PTPRD: variants seen among roughly 807,000 people sequenced by gnomAD.
The protein encoded by PTPRD is protein tyrosine phosphatase receptor type D.
In PTPRD, 34 loss-of-function variants were observed where a neutral mutation model predicts 214.5. That is an observed-to-expected ratio of 0.16 (90% confidence interval 0.12 to 0.21). The LOEUF is 0.21. PTPRD is among the 10% of genes least tolerant of loss of function. PTPRD has a pLI of 1.00. For missense variants in PTPRD, 2,545 were observed against 2,398.7 expected, an observed-to-expected ratio of 1.06 and a Z score of -1.27; for synonymous variants, 1,128 against 845.7, an observed-to-expected ratio of 1.33 and a Z score of -5.79.
chr9:9,855,855 G>T (rs564761157), intron 5 of PTPRD, among the ~76,000 whole-genome samples: 1 of 152,178 alleles, frequency 6.6e-6, no homozygotes, highest in Non-Finnish European at 1.5e-5. Context: ...GTCCATGGAC[G>T]GCTTTAAGCG....
intron 7 of PTPRD, among the ~76,000 whole-genome samples, chr9:9,645,016 C>G (rs117158069): frequency 0.039 from 5,917 of 152,282 alleles, 178 homozygotes; most frequent in Non-Finnish European, 0.057. Flanking sequence ...CACCTTGACT[C>G]TCCATTGAGA....
chr9:10,165,769 T>C (rs1239267972), intron 3 of PTPRD, among the ~76,000 whole-genome samples: 1 of 151,176 alleles, frequency 6.6e-6, no homozygotes, highest in Non-Finnish European at 1.5e-5. Flanking sequence ...CGAAGTATTT[T>C]CTCTTAAAAA....
intron 2 of PTPRD, among the ~76,000 whole-genome samples, chr9:10,602,597 T>C (rs1166432552): frequency 4.0e-5 from 6 of 151,794 alleles, no homozygotes; most frequent in Non-Finnish European, 7.4e-5. Flanking sequence ...TTTACGGTTA[T>C]AATCAAGTAA....
rs550296450 is a variant in PTPRD, at chr9:9,811,199, G to A, written c.-367-44348C>T. Among the ~76,000 whole-genome samples, 28 of 152,200 alleles carry A rather than the reference G, an allele frequency of 1.8e-4. No individual in the cohort carries two copies. The South Asian group carries it at 5.4e-3, about 29-fold the overall frequency. On this transcript the variant is annotated intron_variant, in intron 5 of 45. Transcript: ENST00000381196. ...AGCCTGCGCAACAAGAATGAACTCTGTCTCAAAATAAATCAATAAAAGCAG... is the reference window on the plus strand; with the variant it reads ...AGCCTGCGCAACAAGAATGAACTCTATCTCAAAATAAATCAATAAAAGCAG...
intron 14 of PTPRD, among the ~76,000 whole-genome samples, chr9:8,606,444 T>C (rs1331439465): frequency 1.3e-5 from 2 of 152,160 alleles, no homozygotes; most frequent in Non-Finnish European, 2.9e-5. Context: ...ACATGAAGCA[T>C]ATGCAGAGAC....
At chr9:10,487,561 T>C (rs1284944063) in intron 2 of PTPRD, among the ~76,000 whole-genome samples, 2 of 152,128 alleles carry the variant, frequency 1.3e-5, no homozygotes, top group Non-Finnish European at 2.9e-5. Context: ...TTCACATTGT[T>C]TGCATAAACA....
At chr9:10,283,830 G>A (rs1177145628) in intron 3 of PTPRD, among the ~76,000 whole-genome samples, 1 of 152,156 alleles carries the variant, frequency 6.6e-6, no homozygotes, top group Non-Finnish European at 1.5e-5. Context: ...TATGTGTGCA[G>A]ATCTTTTAGT....
chr9:10,488,139 G>A (rs1027021327), intron 2 of PTPRD, among the ~76,000 whole-genome samples: 7 of 151,822 alleles, frequency 4.6e-5, no homozygotes, highest in East Asian at 1.9e-4. Context: ...AGCCCGAGCC[G>A]GGTGGATCAC....
intron 6 of PTPRD, among the ~76,000 whole-genome samples, chr9:9,752,758 C>A (rs531931131): frequency 6.6e-6 from 1 of 152,062 alleles, no homozygotes; most frequent in South Asian, 2.1e-4. Flanking sequence ...TTAGAAAAAT[C>A]GTTTTACATT....
intron 9 of PTPRD, among the ~76,000 whole-genome samples, chr9:9,372,659 A>G (rs1211658536): frequency 1.3e-5 from 2 of 152,120 alleles, no homozygotes; most frequent in Non-Finnish European, 2.9e-5. Flanking sequence ...TGTCATTACA[A>G]TGTTAGCTGG....
At chr9:8,357,346 G>A (rs760201369) in intron 39 of PTPRD, among the ~76,000 whole-genome samples, 16 of 152,224 alleles carry the variant, frequency 1.1e-4, no homozygotes, top group Non-Finnish European at 2.2e-4. Context: ...CTCACCAAGA[G>A]ATGCAGGAAT....
intron 9 of PTPRD, among the ~76,000 whole-genome samples, chr9:9,324,431 T>A (rs1049986139): frequency 2.6e-5 from 4 of 152,226 alleles, no homozygotes; most frequent in Non-Finnish European, 4.4e-5. Flanking sequence ...TGCATTTCTC[T>A]GATGACCAGT....
intron 7 of PTPRD, among the ~76,000 whole-genome samples, chr9:9,707,205 T>A (rs1177465807): frequency 6.6e-6 from 1 of 152,196 alleles, no homozygotes; most frequent in Non-Finnish European, 1.5e-5. Flanking sequence ...TATGTACATG[T>A]AAGGTATATT....
At chr9:9,960,922 G>A (rs377198365) in intron 4 of PTPRD, among the ~76,000 whole-genome samples, 1 of 151,878 alleles carries the variant, frequency 6.6e-6, no homozygotes, top group East Asian at 1.9e-4. Flanking sequence ...CTGACAAAGG[G>A]CTAATATCCA....
intron 14 of PTPRD, among the ~76,000 whole-genome samples, chr9:8,624,480 T>C (rs2095943628): frequency 6.6e-6 from 1 of 151,866 alleles, no homozygotes; most frequent in Non-Finnish European, 1.5e-5. Flanking sequence ...ACTATGTGCC[T>C]AGCACTATTC....
intron 8 of PTPRD, among the ~76,000 whole-genome samples, chr9:9,568,326 G>A (rs1206782429): frequency 1.3e-5 from 2 of 151,934 alleles, no homozygotes; most frequent in Middle Eastern, 3.4e-3. Flanking sequence ...ATAAATGACT[G>A]AGGTGGGAGG....
intron 8 of PTPRD, among the ~76,000 whole-genome samples, chr9:9,516,441 G>A (rs1249943381): frequency 1.3e-5 from 2 of 151,292 alleles, no homozygotes; most frequent in East Asian, 3.9e-4. Flanking sequence ...ATTCTCTAAT[G>A]GAAGCCAACT....
In PTPRD at chr9:9,396,114, T is replaced by G. The variant is rs549685917; in HGVS notation, c.-203+1335A>C. 6.6e-5 allele frequency among the ~76,000 whole-genome samples: 10 copies of G among 152,202 alleles called. No individual in the cohort carries two copies. In the South Asian group the frequency reaches 2.1e-3, roughly 32 times the overall value. On this transcript the variant is annotated intron_variant, in intron 9 of 45. Coordinates refer to ENST00000381196, the MANE Select transcript of PTPRD (RefSeq NM_002839.4). The stretch of plus-strand genomic sequence containing the variant: ...AAGCTAGTCAAGACCCAGTTCTTTT[T>G]GTATGTGACTCAACAAAACAGCATT...
chr9:9,374,901 A>G (rs187747246), intron 9 of PTPRD, among the ~76,000 whole-genome samples: 76 of 152,340 alleles, frequency 5.0e-4, no homozygotes, highest in African/African-American at 1.4e-3. Context: ...CTGCTTATCA[A>G]TAACAATAAC....
Sources: gnomAD v4.1 joint callset for allele counts (sites outside exome capture counted in the v4.1 genomes callset) on GRCh38, gnomAD v4.1.1 for gene constraint, MANE v1.5 for transcripts, NCBI Gene and HGNC (gene_info 2026-07-23, HGNC 2026-07-21) for gene names.